Variants in TAL1 observed in about 807,000 individuals in gnomAD.
The protein encoded by TAL1 is T-cell acute lymphocytic leukemia protein 1.
In TAL1, 8 loss-of-function variants were observed where a neutral mutation model predicts 17.9. That is an observed-to-expected ratio of 0.45 (90% CI 0.26 to 0.81). The LOEUF (loss-of-function observed/expected upper bound fraction) is 0.81. Among genes scored for constraint, TAL1 ranks in the 30% least tolerant of loss-of-function variants. The pLI, the probability that TAL1 is intolerant of heterozygous loss-of-function variation, is 0.17. For missense variants in TAL1, 466 were observed against 486.9 expected, an observed-to-expected ratio of 0.96 and a Z score of 0.40; for synonymous variants, 223 against 218.6, an observed-to-expected ratio of 1.02 and a Z score of -0.18.
At chr1:47,231,463 G>A (rs1644012760), upstream of TAL1, among the ~76,000 whole-genome samples, 1 of 151,852 alleles carries the variant, frequency 6.6e-6, no homozygotes, top group African/African-American at 2.4e-5. Context: ...CAGAAGGGCA[G>A]CAAACAAACA....
exon 1 of TAL1, chr1:47,229,697 A>C (rs1643974520): frequency 6.6e-6 from 1 of 152,518 alleles, no homozygotes; most frequent in South Asian, 2.1e-4. Flanking sequence ...TTTTCTAAGC[A>C]GGGAGGTGTC....
exon 2 of TAL1, chr1:47,225,798 G>C: frequency 6.4e-7 from 1 of 1,572,472 alleles, no homozygotes. Flanking sequence ...AGCAGGACCA[G>C]GTGCGGGGGG....
At chr1:47,216,491 A>G (rs1176626808) in exon 4 of TAL1, 2 of 230,392 alleles carry the variant, frequency 8.7e-6, no homozygotes, top group Non-Finnish European at 8.6e-6. Context: ...CATCACATAC[A>G]GTACAACGTT....
upstream of TAL1, chr1:47,231,588 A>G (rs916016902): frequency 1.7e-5 from 4 of 233,744 alleles, no homozygotes; most frequent in Admixed American, 1.1e-4. Flanking sequence ...CACAGTCGGG[A>G]TCACACACGC....
Position 47,219,894 on chromosome 1 carries a change from G to GGGCCCCCCCCCCCC in TAL1, c.821_822insGGGGGGGGGGGGCC (p.Ala275GlyfsTer175). The stretch of plus-strand genomic sequence containing the variant: ...CTTGCAGGAGGTCATCTGGGGGCGC[G>GGGCCCCCCCCCCCC]CCGCCCCCTCCCCCACCTCCACCCC... On this transcript the variant is annotated frameshift_variant, in exon 4 of 4. Coordinates refer to ENST00000294339, the Ensembl canonical transcript of TAL1. LOFTEE classifies it high-confidence loss of function. 1 of 1,556,034 alleles carries GGGCCCCCCCCCCCC rather than the reference G, an allele frequency of 6.4e-7. No individual in the cohort carries two copies. Among genetic ancestry groups the GGGCCCCCCCCCCCC allele is most frequent in the Non-Finnish European group, 8.7e-7 (1 of 1,149,578 alleles).
chr1:47,216,321 TC>T (rs1475315733), exon 4 of TAL1: 2 of 212,342 alleles, frequency 9.4e-6, no homozygotes, highest in Admixed American at 1.2e-4. Flanking sequence ...TTAGAAATCT[TC>T]CCGATACATC....
At chr1:47,223,657 G>A (rs537699672) in intron 3 of TAL1, 135 of 200,340 alleles carry the variant, frequency 6.7e-4, no homozygotes, top group Non-Finnish European at 1.1e-3. Context: ...GTGATTCTGC[G>A]CCCACTTGGG....
chr1:47,217,908 G>A (rs1032183622), exon 4 of TAL1: 1 of 397,172 alleles, frequency 2.5e-6, no homozygotes, highest in African/African-American at 2.1e-5. Context: ...ACCAAAACAT[G>A]ATCTGGGGAG....
intron 2 of TAL1, 64 bp downstream of exon 3, chr1:47,225,368 TAGAAGGAAACC>T (rs1643891090): frequency 8.4e-7 from 1 of 1,197,174 alleles, no homozygotes; most frequent in African/African-American, 1.6e-5. Flanking sequence ...CGCCGATGTG[TAGAAGGAAACC>T]CCGGTGGGGG....
chr1:47,223,709 G>A, intron 3 of TAL1: 1 of 297,558 alleles, frequency 3.4e-6, no homozygotes, highest in Non-Finnish European at 6.3e-6. Flanking sequence ...ACTGGGGACT[G>A]GAACTAACTC....
At chr1:47,220,170 G>A in exon 4 of TAL1, 1 of 1,553,536 alleles carries the variant, frequency 6.4e-7, no homozygotes, top group Non-Finnish European at 8.7e-7. Context: ...CTTTGGTGTG[G>A]GGACCTGGAG....
chr1:47,225,586 CGG>C lies in TAL1; in HGVS notation c.301_302del (p.Pro101GlyfsTer74). 1 of 1,287,264 alleles carries C rather than the reference CGG, an allele frequency of 7.8e-7. No homozygotes were observed. The highest frequency in any genetic ancestry group is 9.8e-7 in the Non-Finnish European group (1 of 1,024,572). 79.7% of individuals were successfully genotyped at this position (1,287,264 alleles called of 1,614,324 possible). ...CTGTAACCGAGGCGGGCGCGGGGGC[CGG>C]GGCGGGCCCGGGAGGTCTGCACAGC... On this transcript the variant is annotated frameshift_variant, in exon 2 of 4. Transcript: ENST00000294339. LOFTEE classifies it high-confidence loss of function.
chr1:47,224,816 C>T (rs894541842), intron 2 of TAL1, among the ~76,000 whole-genome samples: 2 of 152,220 alleles, frequency 1.3e-5, no homozygotes, highest in East Asian at 1.9e-4. Context: ...ATCACAGTAG[C>T]GCCAGCAGGG....
chr1:47,225,309 C>G, intron 2 of TAL1, 134 bp downstream of exon 3: 1 of 840,236 alleles, frequency 1.2e-6, no homozygotes, highest in Non-Finnish European at 1.6e-6. Flanking sequence ...GGGTTTAAAA[C>G]GACCTCCTCT....
exon 4 of TAL1, chr1:47,217,371 A>T (rs1229281731): frequency 5.0e-6 from 2 of 396,052 alleles, no homozygotes; most frequent in Middle Eastern, 6.3e-4. Flanking sequence ...TGAGTGACAG[A>T]ACAAGACACC....
exon 4 of TAL1, chr1:47,217,524 G>A (rs1050738778): frequency 3.3e-5 from 13 of 398,514 alleles, no homozygotes; most frequent in African/African-American, 1.4e-4. Flanking sequence ...TGCCTAGGTC[G>A]TGGACTCAGG....
At chr1:47,224,359 T>C (rs1643876516) in intron 2 of TAL1, among the ~76,000 whole-genome samples, 1 of 151,552 alleles carries the variant, frequency 6.6e-6, no homozygotes, top group Non-Finnish European at 1.5e-5. Context: ...CAGGCACATA[T>C]GCAGAAGCAG....
intron 1 of TAL1, among the ~76,000 whole-genome samples, chr1:47,226,777 TGGGCATTTGAAG>T (rs1643919178): frequency 6.6e-6 from 1 of 152,208 alleles, no homozygotes; most frequent in African/African-American, 2.4e-5. Flanking sequence ...AGAATGGAGC[TGGGCATTTGAAG>T]GGTTCCCTGA....
chr1:47,216,427 G>A (rs562346241), exon 4 of TAL1: 9 of 228,890 alleles, frequency 3.9e-5, no homozygotes, highest in African/African-American at 1.5e-4. Context: ...AAAGGTCAAG[G>A]TACCTGGAGC....
Sources: allele counts gnomAD v4.1 joint callset (sites outside exome capture counted in the v4.1 genomes callset), GRCh38; gene constraint gnomAD v4.1.1; transcripts MANE v1.5; gene names NCBI Gene and HGNC (gene_info 2026-07-23, HGNC 2026-07-21).